Variants in DCAF6 observed in about 807,000 individuals in gnomAD.
The protein encoded by DCAF6 is DDB1 and CUL4 associated factor 6.
Under a neutral mutation model 125.1 loss-of-function variants are expected in DCAF6, and 54 were observed. That is an observed-to-expected ratio of 0.43 (90% CI 0.35 to 0.54). The LOEUF (loss-of-function observed/expected upper bound fraction) is 0.54. Ranked by LOEUF, DCAF6 falls within the 20% of genes least tolerant of loss-of-function variation. The pLI is 0.01. For missense variants in DCAF6, 934 were observed against 1,161.7 expected, an observed-to-expected ratio of 0.80 and a Z score of 2.85; for synonymous variants, 371 against 390.4, an observed-to-expected ratio of 0.95 and a Z score of 0.58.
chr1:167,960,285 T>A (rs1364754557), intron 2 of DCAF6, among the ~76,000 whole-genome samples: 2 of 151,750 alleles, frequency 1.3e-5, no homozygotes, highest in African/African-American at 2.4e-5. Flanking sequence ...AGTAAAATTT[T>A]TATTATTATT....
intron 3 of DCAF6, among the ~76,000 whole-genome samples, chr1:167,970,180 T>C (rs1677086101): frequency 6.6e-6 from 1 of 152,230 alleles, no homozygotes; most frequent in Admixed American, 6.5e-5. Flanking sequence ...TACAAAATAA[T>C]CACTTGGGTA....
chr1:168,031,317 C>T (rs981802709), intron 12 of DCAF6, among the ~76,000 whole-genome samples: 10 of 152,094 alleles, frequency 6.6e-5, no homozygotes, highest in Admixed American at 2.0e-4. Context: ...AGGTGGATGG[C>T]GACATAGAAC....
chr1:167,928,592 A>G, the DCAF6 span, among the ~76,000 whole-genome samples: 4 of 152,240 alleles, frequency 2.6e-5, no homozygotes, highest in African/African-American at 4.8e-5. Context: ...TAAAGTTTTG[A>G]CAAAACAAAG....
intron 1 of DCAF6, among the ~76,000 whole-genome samples, chr1:167,938,901 G>T (rs761816060): frequency 1.3e-5 from 2 of 152,034 alleles, no homozygotes; most frequent in Non-Finnish European, 2.9e-5. Flanking sequence ...GGAATTGAAG[G>T]GTTCACTGAC....
At position 167,966,728 on chromosome 1, in the gene DCAF6, T is replaced by C; in HGVS notation, c.252+7T>C. On this transcript the variant is annotated splice_region_variant and intron_variant, in intron 3 of 21. Coordinates refer to ENST00000367840, the MANE Select transcript of DCAF6 (RefSeq NM_001198956.2). ...TAATCCTTACAGCAGAAAGGTAAAG[T>C]AGTTTAAAAAATCTGTAATTTAATG... 1 of 1,516,580 alleles carries C rather than the reference T, an allele frequency of 6.6e-7. No homozygotes were observed. Among genetic ancestry groups the C allele is most frequent in the Non-Finnish European group, 9.0e-7 (1 of 1,107,160 alleles). 93.9% of individuals were successfully genotyped at this position (1,516,580 alleles called of 1,614,324 possible).
chr1:167,892,162 A>G, the DCAF6 span, among the ~76,000 whole-genome samples: 39,838 of 151,740 alleles, frequency 0.26, 5,601 homozygotes, highest in African/African-American at 0.37. Context: ...TGTGGAGATG[A>G]GGTTTTGCCA....
rs28757774 is a variant in DCAF6, at chr1:167,984,073, G to T, written c.439-3422G>T. 3.9e-5 allele frequency among the ~76,000 whole-genome samples: 6 copies of T among 152,114 alleles called. No homozygotes were observed. The East Asian group carries it at 5.8e-4, about 15-fold the overall frequency. ...ATACCACAAGTTAAAGTGGCTCAAG[G>T]CTCACTATTCTTTCTGAGATCCAGT... On this transcript the variant is annotated intron_variant, in intron 4 of 21. Transcript: ENST00000367840.
At chr1:168,069,686 A>C (rs1297944196) in intron 21 of DCAF6, among the ~76,000 whole-genome samples, 1 of 152,198 alleles carries the variant, frequency 6.6e-6, no homozygotes, top group Non-Finnish European at 1.5e-5. Context: ...AATAATCCTC[A>C]AATGTAAATA....
chr1:168,069,919 T>C (rs1355044615), intron 21 of DCAF6, among the ~76,000 whole-genome samples: 2 of 152,204 alleles, frequency 1.3e-5, no homozygotes, highest in African/African-American at 2.4e-5. Flanking sequence ...GAATTTCACA[T>C]TTGAGGAAGC....
In DCAF6 at chr1:168,023,045, A is replaced by G. The variant is rs544539898; in HGVS notation, c.1607A>G (p.Gln536Arg). Reference sequence around the variant, plus strand: ...GGATCCATGTCACTTGACGAGCAACAGGGTGCGTGCAACAGGAGATGCGCT... The same window carrying G: ...GGATCCATGTCACTTGACGAGCAACGGGGTGCGTGCAACAGGAGATGCGCT... The part of the protein sequence containing the change: ...QLGSMSLDEQ[Q>R]DNNNEKLSPK... Residue 536 changes from glutamine (Q) to arginine (R), a missense_variant and splice_region_variant, in exon 12 of 22, where the codon CAG (glutamine) becomes CGG (arginine). Gln to Arg is a conservative substitution (Grantham distance 43, BLOSUM62 1). Transcript: ENST00000367840. 11 of 1,614,160 alleles carry G rather than the reference A, an allele frequency of 6.8e-6. No individual in the cohort carries two copies. In the South Asian group the frequency reaches 8.8e-5, roughly 13 times the overall value.
the DCAF6 span, among the ~76,000 whole-genome samples, chr1:167,905,350 C>T: frequency 6.6e-6 from 1 of 152,214 alleles, no homozygotes; most frequent in African/African-American, 2.4e-5. Context: ...GGGCCAATTT[C>T]TATACAGAGG....
chr1:168,051,390 AAAGTTG>A (rs530138108), intron 17 of DCAF6, among the ~76,000 whole-genome samples: 13 of 152,336 alleles, frequency 8.5e-5, no homozygotes, highest in African/African-American at 2.9e-4. Context: ...TTTTTGCAAG[AAAGTTG>A]TTTCCTTATA....
Position 168,042,494 on chromosome 1 carries a change from A to G in DCAF6, c.1728-531A>G, listed in dbSNP as rs138321307. On this transcript the variant is annotated intron_variant, in intron 13 of 21. Transcript: ENST00000367840. Reference sequence around the variant, plus strand: ...GCAGAAAATATTACCCTGTCCTTCTACAGAACTATGATGCTCAGTCACCTG... The same window carrying G: ...GCAGAAAATATTACCCTGTCCTTCTGCAGAACTATGATGCTCAGTCACCTG... Among the ~76,000 whole-genome samples, 354 of 152,070 alleles carry G rather than the reference A, an allele frequency of 2.3e-3. 2 individuals are homozygous for G. The highest frequency in any genetic ancestry group is 8.3e-3 in the African/African-American group (343 of 41,518).
At chr1:167,865,619 G>A in the DCAF6 span, among the ~76,000 whole-genome samples, 16 of 151,960 alleles carry the variant, frequency 1.1e-4, no homozygotes, top group Non-Finnish European at 2.4e-4. Context: ...AGCTTTCTTT[G>A]GTCTAAAAAC....
the DCAF6 span, among the ~76,000 whole-genome samples, chr1:167,869,104 A>C: frequency 3.9e-4 from 59 of 152,218 alleles, no homozygotes; most frequent in Non-Finnish European, 6.3e-4. Context: ...AAAACATGAC[A>C]AAACTGGCAC....
At chr1:167,911,194 C>T in the DCAF6 span, among the ~76,000 whole-genome samples, 1 of 152,200 alleles carries the variant, frequency 6.6e-6, no homozygotes, top group Non-Finnish European at 1.5e-5. Flanking sequence ...AGCTATCTAC[C>T]TGTGAGGGTA....
chr1:167,880,100 G>A, the DCAF6 span: 51 of 1,608,056 alleles, frequency 3.2e-5, 1 homozygote, highest in Non-Finnish European at 3.8e-5. Flanking sequence ...CTGGAGATGA[G>A]CTGACCCAGC....
In DCAF6 at chr1:168,046,529, T is replaced by C. The variant is rs568352967; in HGVS notation, c.2258+1302T>C. 2.0e-5 allele frequency among the ~76,000 whole-genome samples: 3 copies of C among 152,262 alleles called. No homozygotes were observed. In the East Asian group the frequency reaches 5.8e-4, roughly 29 times the overall value. On this transcript the variant is annotated intron_variant, in intron 16 of 21. Transcript: ENST00000367840. The stretch of plus-strand genomic sequence containing the variant: ...TTTGCCATGGCACTTTTTTTGTAGA[T>C]ATGAAGCAAGAATTTCCCATGTTTA...
At chr1:167,931,270 C>T (rs931180658), upstream of DCAF6, among the ~76,000 whole-genome samples, 3 of 152,162 alleles carry the variant, frequency 2.0e-5, no homozygotes, top group African/African-American at 7.2e-5. Context: ...AATACAAACT[C>T]TGTGTGGGTG....
Sources: gnomAD v4.1 joint callset for allele counts (sites outside exome capture counted in the v4.1 genomes callset) on GRCh38, gnomAD v4.1.1 for gene constraint, MANE v1.5 for transcripts, NCBI Gene and HGNC (gene_info 2026-07-23, HGNC 2026-07-21) for gene names.